Variants in FHIT observed in about 807,000 individuals in gnomAD.
FHIT encodes the protein fragile histidine triad diadenosine triphosphatase.
A neutral mutation model predicts 17.9 loss-of-function variants in FHIT; 19 were observed. The observed-to-expected ratio is 1.06, with a 90% CI of 0.74 to 1.56. FHIT has a LOEUF of 1.56. FHIT is among the 40% of genes most tolerant of loss of function. The pLI, the probability that FHIT is intolerant of heterozygous loss-of-function variation, is 0.00. For missense variants in FHIT, 248 were observed against 189.2 expected (o/e 1.31, Z -1.82); for synonymous variants, 81 against 69.7 (o/e 1.16, Z -0.81).
At chr3:60,767,623 T>G (rs953079592) in intron 4 of FHIT, among the ~76,000 whole-genome samples, 3 of 152,198 alleles carry the variant, frequency 2.0e-5, no homozygotes, top group African/African-American at 2.4e-5. Flanking sequence ...AGAAACAGAT[T>G]AACAAAATTC....
At chr3:59,751,620 A>AACAGTTAGTCATCATT (rs1204792310) in intron 9 of FHIT, 9 of 223,568 alleles carry the variant, frequency 4.0e-5, no homozygotes, top group Non-Finnish European at 8.0e-5. Flanking sequence ...ATGATCTCTC[A>AACAGTTAGTCATCATT]ACAGTTAGTC....
At chr3:59,812,494 T>A (rs1413544465) in intron 8 of FHIT, among the ~76,000 whole-genome samples, 1 of 152,184 alleles carries the variant, frequency 6.6e-6, no homozygotes, top group African/African-American at 2.4e-5. Context: ...GCATTATGGA[T>A]GAGCTCATGT....
At chr3:60,289,583 C>T (rs139818798) in intron 5 of FHIT, among the ~76,000 whole-genome samples, 2 of 152,226 alleles carry the variant, frequency 1.3e-5, no homozygotes, top group African/African-American at 4.8e-5. Context: ...CAAAAATGTT[C>T]AAAAGCCTTT....
chr3:59,925,675 C>T (rs971848484), intron 7 of FHIT, among the ~76,000 whole-genome samples: 13 of 152,124 alleles, frequency 8.5e-5, no homozygotes, highest in Admixed American at 5.2e-4. Context: ...ACTTGAAATT[C>T]GCCGTGACAC....
At chr3:60,130,787 G>A (rs199953273) in intron 5 of FHIT, among the ~76,000 whole-genome samples, 11,209 of 121,148 alleles carry the variant, frequency 0.093, 621 homozygotes, top group South Asian at 0.17. Context: ...TGTGTGTGGT[G>A]TGTATATACA....
intron 4 of FHIT, among the ~76,000 whole-genome samples, chr3:60,675,949 C>A (rs954935229): frequency 1.3e-5 from 2 of 152,110 alleles, no homozygotes; most frequent in South Asian, 2.1e-4. Flanking sequence ...TTGATTTTAT[C>A]TTAACAGCAA....
At chr3:60,075,755 G>T (rs533537146) in intron 5 of FHIT, among the ~76,000 whole-genome samples, 6 of 152,138 alleles carry the variant, frequency 3.9e-5, no homozygotes, top group African/African-American at 1.4e-4. Flanking sequence ...AATTATAGAA[G>T]ACACAGAGAT....
At chr3:60,403,249 A>G (rs1156595616) in intron 5 of FHIT, among the ~76,000 whole-genome samples, 1 of 152,226 alleles carries the variant, frequency 6.6e-6, no homozygotes, top group Non-Finnish European at 1.5e-5. Context: ...GTTTGTCTTC[A>G]TGCAGCTTCA....
intron 5 of FHIT, among the ~76,000 whole-genome samples, chr3:60,146,517 G>A (rs1700247734): frequency 6.6e-6 from 1 of 152,114 alleles, no homozygotes; most frequent in African/African-American, 2.4e-5. Flanking sequence ...AATGTTCTCA[G>A]AGGGCTCTAA....
rs145499117 is a variant in FHIT at position 60,287,752 on chromosome 3, G to C, written c.103+249108C>G. Among the ~76,000 whole-genome samples the C allele has an allele frequency of 6.6e-3, 1,009 of 152,184 alleles. 13 individuals are homozygous for C. The highest frequency in any genetic ancestry group is 0.023 in the African/African-American group (953 of 41,528). ...ACAAAGAAGGAAAAGGAAAAGAAAG[G>C]ATTCAGGGTTCTCTGATTATCTCTG... On this transcript the variant is annotated intron_variant, in intron 5 of 9. Transcript: ENST00000492590.
At chr3:60,052,100 T>G (rs187209000) in intron 5 of FHIT, among the ~76,000 whole-genome samples, 1 of 152,244 alleles carries the variant, frequency 6.6e-6, no homozygotes, top group East Asian at 1.9e-4. Context: ...GAGCCACTTG[T>G]TTTTAGGAGT....
chr3:61,183,808 C>A (rs1162479619), intron 2 of FHIT, among the ~76,000 whole-genome samples: 2 of 151,434 alleles, frequency 1.3e-5, no homozygotes, highest in African/African-American at 4.9e-5. Flanking sequence ...TGTTTGCCAG[C>A]ATCAGGGTTT....
intron 2 of FHIT, among the ~76,000 whole-genome samples, chr3:61,079,796 A>T (rs1211740519): frequency 6.6e-6 from 1 of 152,208 alleles, no homozygotes; most frequent in Non-Finnish European, 1.5e-5. Context: ...TGACAAAAAG[A>T]AGTTCATTCA....
chr3:60,406,055 T>C (rs1701845390), intron 5 of FHIT, among the ~76,000 whole-genome samples: 1 of 152,212 alleles, frequency 6.6e-6, no homozygotes, highest in African/African-American at 2.4e-5. Flanking sequence ...GTAATCATTA[T>C]TATAATAAAA....
At chr3:60,729,110 C>G (rs782345555) in intron 4 of FHIT, among the ~76,000 whole-genome samples, 2 of 152,196 alleles carry the variant, frequency 1.3e-5, no homozygotes, top group Non-Finnish European at 2.9e-5. Context: ...GTTCAGTGCC[C>G]TGGTTAAACA....
intron 4 of FHIT, among the ~76,000 whole-genome samples, chr3:60,591,441 C>A (rs1553664229): frequency 6.6e-6 from 1 of 152,032 alleles, no homozygotes; most frequent in Non-Finnish European, 1.5e-5. Context: ...CAGCAAGGAG[C>A]CCCAGAGCAG....
At chr3:60,342,358 T>C (rs1432913908) in intron 5 of FHIT, among the ~76,000 whole-genome samples, 1 of 152,246 alleles carries the variant, frequency 6.6e-6, no homozygotes, top group African/African-American at 2.4e-5. Flanking sequence ...GTGTGGCAGA[T>C]ATAACACAGG....
chr3:59,971,275 G>T (rs1442666304), intron 7 of FHIT, among the ~76,000 whole-genome samples: 1 of 152,086 alleles, frequency 6.6e-6, no homozygotes, highest in East Asian at 1.9e-4. Context: ...TTGATTAGCA[G>T]GTGCTTTGAT....
chr3:60,442,219 A>C (rs180682907), intron 5 of FHIT, among the ~76,000 whole-genome samples: 54 of 152,082 alleles, frequency 3.6e-4, no homozygotes, highest in African/African-American at 1.3e-3. Context: ...TTTCATTATA[A>C]TGCCTAATTG....
Sources: allele counts gnomAD v4.1 joint callset (sites outside exome capture counted in the v4.1 genomes callset), GRCh38; gene constraint gnomAD v4.1.1; transcripts MANE v1.5; gene names NCBI Gene and HGNC (gene_info 2026-07-23, HGNC 2026-07-21).